The following STK3 variants were observed in gnomAD, a reference collection of about 807,000 sequenced individuals.
STK3 encodes the protein serine/threonine-protein kinase 3.
In STK3, 41 loss-of-function variants were observed where a neutral mutation model predicts 58.0. That is an observed-to-expected ratio of 0.71 (90% CI 0.55 to 0.92). STK3 has a LOEUF of 0.92. STK3 is among the 40% of genes least tolerant of loss of function. STK3 has a pLI of 0.00. For synonymous variants in STK3, 170 were observed against 191.0 expected (o/e 0.89, Z 0.91); for missense variants, 479 against 602.7 (o/e 0.79, Z 2.15).
intron 10 of STK3, among the ~76,000 whole-genome samples, chr8:98,469,410 C>T (rs1820749012): frequency 1.3e-5 from 2 of 152,138 alleles, no homozygotes; most frequent in Admixed American, 6.5e-5. Context: ...AAGTCTTCAG[C>T]GCTGGGGCTG....
intron 8 of STK3, among the ~76,000 whole-genome samples, chr8:98,574,599 G>T (rs745858288): frequency 2.6e-5 from 4 of 152,160 alleles, no homozygotes; most frequent in Non-Finnish European, 4.4e-5. Flanking sequence ...GGAGTAAGCT[G>T]CAATGAGATT....
intron 4 of STK3, among the ~76,000 whole-genome samples, chr8:98,711,098 C>G (rs187386985): frequency 1.3e-4 from 20 of 152,298 alleles, no homozygotes; most frequent in African/African-American, 4.6e-4. Flanking sequence ...GGAAAACTAA[C>G]AAACAGAAAG....
intron 1 of STK3, among the ~76,000 whole-genome samples, chr8:98,380,157 C>T (rs562220294): frequency 1.3e-5 from 2 of 152,156 alleles, no homozygotes; most frequent in African/African-American, 4.8e-5. Flanking sequence ...GGGGGTGGTG[C>T]AGATGTGGAG....
Position 98,554,385 on chromosome 8 carries a change from A to C in STK3, c.949-6224T>G, listed in dbSNP as rs562667538. On this transcript the variant is annotated intron_variant, in intron 8 of 10. Transcript: ENST00000419617. ...TGTGAGATTCAATGCTGTGACCATT[A>C]AACTTAACAAGAAACATAACATCTG... 3.9e-4 allele frequency among the ~76,000 whole-genome samples: 60 copies of C among 152,240 alleles called. 1 individual carries two copies. Among genetic ancestry groups the C allele is most frequent in the Admixed American group, 3.6e-3 (55 of 15,278 alleles).
chr8:98,825,360 G>T (rs927280364), intron 1 of STK3, among the ~76,000 whole-genome samples, 155 bp downstream of exon 1: 8 of 152,022 alleles, frequency 5.3e-5, no homozygotes, highest in Non-Finnish European at 1.0e-4. Flanking sequence ...GTGGACAGAC[G>T]CGGCGGGACA....
chr8:98,397,049 G>C (rs1817903060), downstream of STK3, among the ~76,000 whole-genome samples: 3 of 152,208 alleles, frequency 2.0e-5, no homozygotes, highest in Admixed American at 1.3e-4. Context: ...ATTAATGACA[G>C]AGTCTGGCTC....
At chr8:98,402,040 A>C (rs902597604) in intron 3 of STK3, among the ~76,000 whole-genome samples, 3 of 152,198 alleles carry the variant, frequency 2.0e-5, no homozygotes, top group Non-Finnish European at 4.4e-5. Flanking sequence ...ATCTATATAC[A>C]ATTTTATATA....
intron 9 of STK3, among the ~76,000 whole-genome samples, chr8:98,531,050 A>G (rs954293849): frequency 6.6e-6 from 1 of 152,200 alleles, no homozygotes; most frequent in Admixed American, 6.5e-5. Context: ...AAAGTCATCC[A>G]TGAGGGTTGG....
At chr8:98,583,319 A>C (rs1219130858) in intron 7 of STK3, among the ~76,000 whole-genome samples, 1 of 152,186 alleles carries the variant, frequency 6.6e-6, no homozygotes, top group African/African-American at 2.4e-5. Flanking sequence ...ACTTCTAAAT[A>C]TTCAAATTCT....
chr8:98,873,605 G>T (rs1837459582), intron 3 of STK3, among the ~76,000 whole-genome samples: 1 of 151,714 alleles, frequency 6.6e-6, no homozygotes, highest in African/African-American at 2.4e-5. Context: ...GGCCTTCTTT[G>T]TCTCTTTTAA....
intron 3 of STK3, among the ~76,000 whole-genome samples, chr8:98,858,197 C>A (rs1836750491): frequency 6.7e-6 from 1 of 150,110 alleles, no homozygotes; most frequent in South Asian, 2.1e-4. Context: ...GCCTGGCCAA[C>A]ATGACGAAAC....
At chr8:98,654,586 C>T (rs1563853380) in intron 6 of STK3, among the ~76,000 whole-genome samples, 1 of 152,136 alleles carries the variant, frequency 6.6e-6, no homozygotes, top group African/African-American at 2.4e-5. Context: ...TAGAAAACCC[C>T]ATTGTGTTAG....
At chr8:98,826,692 T>A (rs1049039998), upstream of STK3, among the ~76,000 whole-genome samples, 2 of 152,078 alleles carry the variant, frequency 1.3e-5, no homozygotes, top group African/African-American at 2.4e-5. Context: ...CACATAACAA[T>A]ATACAGCTGC....
downstream of STK3, chr8:98,881,714 A>C (rs949814230): frequency 6.6e-6 from 1 of 152,246 alleles, no homozygotes; most frequent in Admixed American, 6.5e-5. Flanking sequence ...AATTTAAAAA[A>C]TATCAAACTC....
intron 10 of STK3, among the ~76,000 whole-genome samples, chr8:98,492,055 T>C (rs1822742695): frequency 6.6e-6 from 1 of 152,204 alleles, no homozygotes; most frequent in Non-Finnish European, 1.5e-5. Context: ...AACATCATAT[T>C]TTAGAAGACT....
intron 4 of STK3, among the ~76,000 whole-genome samples, chr8:98,731,921 AAGAAAC>A (rs1453571728): frequency 1.3e-5 from 2 of 152,148 alleles, no homozygotes; most frequent in African/African-American, 4.8e-5. Flanking sequence ...ATAACCCTAG[AAGAAAC>A]AGAAATGATT....
intron 6 of STK3, among the ~76,000 whole-genome samples, chr8:98,607,216 CA>C (rs1197980988): frequency 6.6e-6 from 1 of 152,218 alleles, no homozygotes; most frequent in Non-Finnish European, 1.5e-5. Flanking sequence ...GTTTCTCTAA[CA>C]GCTTTTCTCT....
At chr8:98,358,504 C>T in the STK3 span, among the ~76,000 whole-genome samples, 1 of 152,124 alleles carries the variant, frequency 6.6e-6, no homozygotes, top group East Asian at 1.9e-4. Context: ...CGTTCTTGCC[C>T]AGTGCCTGTG....
At position 98,928,593 on chromosome 8, in the gene STK3, T is replaced by A. The variant is rs540467270; in HGVS notation, c.-79+13785A>T. Among the ~76,000 whole-genome samples, 16 of 152,354 alleles carry A rather than the reference T, an allele frequency of 1.1e-4. No individual in the cohort carries two copies. The East Asian group carries it at 2.9e-3, about 28-fold the overall frequency. On this transcript the variant is annotated intron_variant, in intron 1 of 1. Transcript: ENST00000519420. ...CCTGCACTGCAGAGCAGTGAGCCTT[T>A]GTGTGGCTTGGCCTTGAGGTTAATA...
Sources: allele counts gnomAD v4.1 joint callset (sites outside exome capture counted in the v4.1 genomes callset), GRCh38; gene constraint gnomAD v4.1.1; transcripts MANE v1.5; gene names NCBI Gene and HGNC (gene_info 2026-07-23, HGNC 2026-07-21).